Variants in KIRREL3 observed in about 807,000 individuals in gnomAD.
KIRREL3 encodes the protein kirre like nephrin family adhesion molecule 3.
KIRREL3 carries 36 observed loss-of-function variants against 89.7 expected under a neutral mutation model. The observed-to-expected ratio is 0.40, with a 90% CI of 0.31 to 0.53. The LOEUF is 0.53. KIRREL3 is among the 20% of genes least tolerant of loss of function. KIRREL3 has a pLI of 0.49. For synonymous variants in KIRREL3, 445 were observed against 441.4 expected, an observed-to-expected ratio of 1.01 and a Z score of -0.10; for missense variants, 864 against 1,056.6, an observed-to-expected ratio of 0.82 and a Z score of 2.53.
rs1374417895 is a variant in KIRREL3, at chr11:126,559,261, G to GCGCT, written c.133+3570_133+3573dup. 9.2e-5 allele frequency among the ~76,000 whole-genome samples: 14 copies of GCGCT among 152,200 alleles called. 1 individual carries two copies. The highest frequency in any genetic ancestry group is 5.9e-4 in the Admixed American group (9 of 15,280). On this transcript the variant is annotated intron_variant, in intron 2 of 16. Transcript: ENST00000525144. ...TCCACATCTGTGTGCTCTATCTGAG[G>GCGCT]CGCTCCTTTTCAATACCTACCTGAC...
rs1949953324 is a variant in KIRREL3 at position 126,769,503 on chromosome 11, T to TA, written c.56-206592dup. Among the ~76,000 whole-genome samples the TA allele has an allele frequency of 6.6e-6, 1 of 152,246 alleles. No individual in the cohort carries two copies. The highest frequency in any genetic ancestry group is 6.5e-5 in the Admixed American group (1 of 15,290). On this transcript the variant is annotated intron_variant, in intron 1 of 16. Coordinates refer to ENST00000525144, the MANE Select transcript of KIRREL3 (RefSeq NM_032531.4). The surrounding 1 kb of genome is among the most constrained non-coding windows in gnomAD (Gnocchi z 4.3). ...GCACTCCTGTCTTCTCTCTAACAGT[T>TA]AATGAGAACGATAGGTATTGATTTG...
At chr11:126,823,159 A>G (rs1429247389) in intron 1 of KIRREL3, among the ~76,000 whole-genome samples, 3 of 152,346 alleles carry the variant, frequency 2.0e-5, no homozygotes, top group Admixed American at 6.5e-5. Context: ...CCTGCCTCAC[A>G]CTAACCATTC....
chr11:126,834,579 C>G (rs1015097263), intron 1 of KIRREL3, among the ~76,000 whole-genome samples: 1 of 152,150 alleles, frequency 6.6e-6, no homozygotes, highest in African/African-American at 2.4e-5. Flanking sequence ...CTGTGAATGC[C>G]GTGACAAAAA....
intron 1 of KIRREL3, among the ~76,000 whole-genome samples, chr11:126,692,516 GC>G (rs1946915583): frequency 9.0e-6 from 1 of 110,816 alleles, no homozygotes; most frequent in African/African-American, 3.5e-5. Flanking sequence ...ATGCACTCCA[GC>G]CTGGGTGACA....
chr11:126,524,360 T>C (rs1244365893), intron 3 of KIRREL3, among the ~76,000 whole-genome samples: 1 of 152,200 alleles, frequency 6.6e-6, no homozygotes, highest in Non-Finnish European at 1.5e-5. Context: ...TCTTTATCTT[T>C]AGAAGGGAGA....
At position 126,624,076 on chromosome 11, in the gene KIRREL3, C is replaced by T. The variant is rs1384629735; in HGVS notation, c.56-61164G>A. Among the ~76,000 whole-genome samples, 1 of 152,180 alleles carries T rather than the reference C, an allele frequency of 6.6e-6. No homozygotes were observed. The highest frequency in any genetic ancestry group is 1.5e-5 in the Non-Finnish European group (1 of 68,040). ...TGTGGCTTGGGAAGGACCATCCTTG[C>T]TGGTGATGGATGTTGATTTAGTGCT... is the stretch of plus-strand genomic sequence containing the variant. On this transcript the variant is annotated intron_variant, in intron 1 of 16. Transcript: ENST00000525144. This position sits in a 1 kb window ranked among gnomAD's most constrained non-coding sequence, Gnocchi z 6.0.
At chr11:126,944,743 TCA>T (rs1296007283) in intron 1 of KIRREL3, among the ~76,000 whole-genome samples, 4 of 152,150 alleles carry the variant, frequency 2.6e-5, no homozygotes, top group Non-Finnish European at 5.9e-5. Flanking sequence ...AGCTCCTCTC[TCA>T]GTCTAGGCTG....
rs1950004124 is a variant in KIRREL3, at chr11:126,771,017, G to T, written c.56-208105C>A. ...GGCCTGGCTAATTTTTGCATTTTTA[G>T]TAGAGATGGAGTTTTGCCATGTTGA... On this transcript the variant is annotated intron_variant, in intron 1 of 16. Coordinates refer to ENST00000525144, the MANE Select transcript of KIRREL3 (RefSeq NM_032531.4). The surrounding 1 kb of genome is among the most constrained non-coding windows in gnomAD (Gnocchi z 4.4). 6.6e-6 allele frequency among the ~76,000 whole-genome samples: 1 copy of T among 152,144 alleles called. No homozygotes were observed. Among genetic ancestry groups the T allele is most frequent in the African/African-American group, 2.4e-5 (1 of 41,428 alleles).
At chr11:126,446,285 C>CTCTCTCTTT (rs111774154) in intron 9 of KIRREL3, among the ~76,000 whole-genome samples, 12 of 143,282 alleles carry the variant, frequency 8.4e-5, no homozygotes, top group South Asian at 2.3e-4. Flanking sequence ...TTTTCTTTCT[C>CTCTCTCTTT]CTTTCTTTCT....
chr11:126,759,110 C>T (rs1228011664), intron 1 of KIRREL3, among the ~76,000 whole-genome samples: 1 of 152,128 alleles, frequency 6.6e-6, no homozygotes, highest in African/African-American at 2.4e-5. Context: ...GCTATAATGT[C>T]TACTTTGTGG....
intron 1 of KIRREL3, among the ~76,000 whole-genome samples, chr11:126,595,736 C>T (rs572529101): frequency 3.9e-4 from 60 of 152,180 alleles, no homozygotes; most frequent in Non-Finnish European, 6.3e-4. Context: ...CCAGGCCACA[C>T]CGCCCCCTTA....
chr11:126,959,184 G>A (rs1027843139), intron 1 of KIRREL3, among the ~76,000 whole-genome samples: 2 of 152,188 alleles, frequency 1.3e-5, no homozygotes, highest in African/African-American at 4.8e-5. Flanking sequence ...GCTCTTCTGG[G>A]TCTCTAGCTT....
At chr11:126,529,315 G>C (rs1958866772) in intron 2 of KIRREL3, among the ~76,000 whole-genome samples, 1 of 152,196 alleles carries the variant, frequency 6.6e-6, no homozygotes, top group Non-Finnish European at 1.5e-5. Flanking sequence ...GCTGGGAAGG[G>C]GGATCAGTTG....
intron 1 of KIRREL3, among the ~76,000 whole-genome samples, chr11:126,757,999 G>A (rs556080597): frequency 6.6e-6 from 1 of 152,240 alleles, no homozygotes; most frequent in Non-Finnish European, 1.5e-5. Flanking sequence ...AGCATAAGTT[G>A]TTGCCAATCG....
At position 126,671,997 on chromosome 11, in the gene KIRREL3, G is replaced by A. The variant is rs75348708; in HGVS notation, c.56-109085C>T. 3.2e-3 allele frequency among the ~76,000 whole-genome samples: 480 copies of A among 152,308 alleles called. 1 individual carries two copies. Among genetic ancestry groups the A allele is most frequent in the African/African-American group, 0.011 (460 of 41,562 alleles). ...GAGAAGGTTTATAGTACCTTTACTT[G>A]CAATCATCAAAACTGGAAGCAACAA... On this transcript the variant is annotated intron_variant, in intron 1 of 16. Coordinates refer to ENST00000525144, the MANE Select transcript of KIRREL3 (RefSeq NM_032531.4).
At chr11:126,957,959 G>A (rs1268555553) in intron 1 of KIRREL3, among the ~76,000 whole-genome samples, 1 of 152,218 alleles carries the variant, frequency 6.6e-6, no homozygotes, top group Non-Finnish European at 1.5e-5. Context: ...CTGTTCAATT[G>A]TGTGTTACTT....
At position 126,995,412 on chromosome 11, in the gene KIRREL3, CCTCT is replaced by C. The variant is rs1229267622; in HGVS notation, c.55+5039_55+5042del. 2.3e-6 allele frequency: 1 copy of C among 442,112 alleles called. No homozygotes were observed. The highest frequency in any genetic ancestry group is 7.1e-5 in the East Asian group (1 of 14,182). The allele number at this position is 442,112 out of a possible 1,614,324, so 27.4% of individuals were successfully genotyped here. ...TCCCAGGCACAGGACGAGTTCAGTG[CCTCT>C]CTGTTTCTTGATGGACCCCAATAAA... On this transcript the variant is annotated intron_variant, in intron 1 of 16. Coordinates refer to ENST00000525144, the MANE Select transcript of KIRREL3 (RefSeq NM_032531.4). The surrounding 1 kb of genome is among the most constrained non-coding windows in gnomAD (Gnocchi z 6.5).
intron 1 of KIRREL3, among the ~76,000 whole-genome samples, chr11:126,839,841 T>C (rs1325660699): frequency 6.6e-6 from 1 of 152,212 alleles, no homozygotes; most frequent in African/African-American, 2.4e-5. Context: ...ATGAATAAAT[T>C]AAATCTTATC....
In KIRREL3 at chr11:126,475,172, C is replaced by T. The variant is rs993847512; in HGVS notation, c.434-1706G>A. On this transcript the variant is annotated intron_variant, in intron 4 of 16. Transcript: ENST00000525144. The surrounding 1 kb of genome is among the most constrained non-coding windows in gnomAD (Gnocchi z 7.5). The stretch of plus-strand genomic sequence containing the variant: ...TCTCTGCCTGGTGGCCAGAGAAGCC[C>T]GCCCTTCTATGCAGGCTCTGTGCTC... Among the ~76,000 whole-genome samples the T allele has an allele frequency of 2.0e-5, 3 of 152,216 alleles. No homozygotes were observed. The highest frequency in any genetic ancestry group is 2.1e-4 in the South Asian group (1 of 4,832).
Sources: gnomAD v4.1 joint callset for allele counts (sites outside exome capture counted in the v4.1 genomes callset) on GRCh38, gnomAD v4.1.1 for gene constraint, Gnocchi (gnomAD v3.1) non-coding constraint, MANE v1.5 for transcripts, NCBI Gene and HGNC (gene_info 2026-07-23, HGNC 2026-07-21) for gene names.